The following MYO9B variants were observed in gnomAD, a reference collection of about 807,000 sequenced individuals.
The protein encoded by MYO9B is unconventional myosin-IXb.
Under a neutral mutation model 229.5 loss-of-function variants are expected in MYO9B, and 71 were observed. That is an observed-to-expected ratio of 0.31 (90% confidence interval 0.26 to 0.38). MYO9B has a LOEUF of 0.38. MYO9B is among the 10% of genes least tolerant of loss of function. The pLI, the probability that MYO9B is intolerant of heterozygous loss-of-function variation, is 1.00. For synonymous variants in MYO9B, 1,185 were observed against 1,235.8 expected (o/e 0.96, Z 0.86); for missense variants, 2,255 against 2,920.5 (o/e 0.77, Z 5.25).
At chr19:17,171,716 CTGAGGCAGGAGGA>C (rs1482273782) in intron 11 of MYO9B, among the ~76,000 whole-genome samples, 1 of 152,184 alleles carries the variant, frequency 6.6e-6, no homozygotes, top group African/African-American at 2.4e-5. Flanking sequence ...GTTTGGGAGG[CTGAGGCAGGAGGA>C]TCACTTGAGG....
chr19:17,174,034 T>TC (rs1340173196), intron 13 of MYO9B, among the ~76,000 whole-genome samples: 4 of 138,564 alleles, frequency 2.9e-5, no homozygotes, highest in Admixed American at 7.2e-5. Flanking sequence ...TTTTTTTTTT[T>TC]TTTTTTTTTT....
At chr19:17,123,977 G>T (rs535804960) in intron 2 of MYO9B, among the ~76,000 whole-genome samples, 1 of 152,062 alleles carries the variant, frequency 6.6e-6, no homozygotes, top group African/African-American at 2.4e-5. Flanking sequence ...CCTCAATCTC[G>T]TGGGCTCAAG....
At chr19:17,205,421 C>A in intron 31 of MYO9B, 85 bp downstream of exon 31, 1 of 1,339,128 alleles carries the variant, frequency 7.5e-7, no homozygotes, top group South Asian at 1.2e-5. Context: ...ATGTGAGGGC[C>A]AAGCGAAGCA....
At chr19:17,210,546 A>G in intron 37 of MYO9B, 166 bp downstream of exon 37, 3 of 1,231,432 alleles carry the variant, frequency 2.4e-6, no homozygotes, top group Non-Finnish European at 3.3e-6. Context: ...GCTCAGGACG[A>G]CTAATCGGCC....
chr19:17,188,038 C>T lies in MYO9B; in HGVS notation c.2681C>T (p.Thr894Met), dbSNP rs369569123. ...IRRSGYSAKY[T>M]FQDFTEQFQV... ...AGGTCAGGGTACAGCGCCAAGTACACGTTCCAGGTAGGCCACAAGCACATA... is the reference window on the plus strand; with the variant it reads ...AGGTCAGGGTACAGCGCCAAGTACATGTTCCAGGTAGGCCACAAGCACATA... Residue 894 changes from threonine (T) to methionine (M), a missense_variant, in exon 19 of 40, where the codon ACG (threonine) becomes ATG (methionine). Physicochemically the swap from Thr to Met is moderately conservative, Grantham distance 81 (BLOSUM62 -1). Coordinates refer to ENST00000682292, the MANE Select transcript of MYO9B (RefSeq NM_004145.4). The T allele has an allele frequency of 1.6e-5, 25 of 1,591,246 alleles. No homozygotes were observed. The highest frequency in any genetic ancestry group is 5.4e-5 in the African/African-American group (4 of 74,440).
Position 17,211,791 on chromosome 19 carries a change from C to A in MYO9B, c.6058+17C>A. 6.2e-7 allele frequency: 1 copy of A among 1,612,740 alleles called. No individual in the cohort carries two copies. The highest frequency in any genetic ancestry group is 8.5e-7 in the Non-Finnish European group (1 of 1,179,642). On this transcript the variant is annotated intron_variant, in intron 39 of 39. Coordinates refer to ENST00000682292, the MANE Select transcript of MYO9B (RefSeq NM_004145.4). ...CCTCGGAAGGTCAGTATTAAGGTAG[C>A]GTCTGCTTTTCTCCTTCCCGTCCAT...
At chr19:17,191,021 G>T (rs957919038) in intron 19 of MYO9B, 76 bp from the exon 20 acceptor site, 11 of 1,456,452 alleles carry the variant, frequency 7.6e-6, no homozygotes, top group African/African-American at 2.9e-5. Context: ...CTTAACCAGG[G>T]TCACCAGATC....
intron 1 of MYO9B, among the ~76,000 whole-genome samples, chr19:17,097,069 C>T (rs1307061476): frequency 6.6e-6 from 1 of 151,548 alleles, no homozygotes; most frequent in Non-Finnish European, 1.5e-5. Flanking sequence ...TTTGGGAGGC[C>T]GAGGCGGGTG....
intron 2 of MYO9B, among the ~76,000 whole-genome samples, chr19:17,110,053 C>T (rs1054226998): frequency 6.6e-6 from 1 of 152,200 alleles, no homozygotes; most frequent in African/African-American, 2.4e-5. Context: ...TCCCCTCTCT[C>T]GCCCGGGCTG....
rs777825172 is a variant in MYO9B at position 17,202,038 on chromosome 19, C to G, written c.4662+14C>G. ...TACTCTGTCCCGGTATGTGGCGGCC[C>G]GGCCTTCAGCCTTTCCCATACCCTG... On this transcript the variant is annotated intron_variant, in intron 27 of 39. Coordinates refer to ENST00000682292, the MANE Select transcript of MYO9B (RefSeq NM_004145.4). 1 of 1,611,812 alleles carries G rather than the reference C, an allele frequency of 6.2e-7. No individual in the cohort carries two copies. The highest frequency in any genetic ancestry group is 1.1e-5 in the South Asian group (1 of 90,708).
chr19:17,206,225 G>GTCCCCCCCCCCCCC, intron 32 of MYO9B, 23 bp from the exon 33 acceptor site: 1 of 1,564,672 alleles, frequency 6.4e-7, no homozygotes, highest in Non-Finnish European at 8.7e-7. Context: ...CCGCTCACCA[G>GTCCCCCCCCCCCCC]ACCCACCCCA....
chr19:17,209,778 G>C, intron 36 of MYO9B, 69 bp downstream of exon 36: 12 of 1,568,846 alleles, frequency 7.6e-6, no homozygotes, highest in South Asian at 1.2e-5. Flanking sequence ...GCAGGGCCTT[G>C]GGCGTGGCTT....
intron 1 of MYO9B, among the ~76,000 whole-genome samples, chr19:17,083,813 G>C (rs1199012147): frequency 6.6e-6 from 1 of 151,882 alleles, no homozygotes; most frequent in Non-Finnish European, 1.5e-5. Context: ...ACCACGCCCA[G>C]CTAATTTTTA....
intron 24 of MYO9B, among the ~76,000 whole-genome samples, chr19:17,198,898 C>T (rs1229354135): frequency 6.6e-6 from 1 of 151,854 alleles, no homozygotes; most frequent in African/African-American, 2.4e-5. Flanking sequence ...TGTCTTCTGT[C>T]CCTTAAAAGG....
intron 23 of MYO9B, 131 bp downstream of exon 23, chr19:17,197,989 T>C (rs1599417871): frequency 3.0e-6 from 4 of 1,355,650 alleles, no homozygotes; most frequent in South Asian, 1.3e-5. Context: ...AGTGGCAGGG[T>C]AGAGGTTGTA....
chr19:17,180,915 C>T lies in MYO9B; in HGVS notation c.2220-12C>T, dbSNP rs749238720. 1 of 1,587,694 alleles carries T rather than the reference C, an allele frequency of 6.3e-7. No individual in the cohort carries two copies. Among genetic ancestry groups the T allele is most frequent in the East Asian group, 2.3e-5 (1 of 44,070 alleles). On this transcript the variant is annotated splice_polypyrimidine_tract_variant and intron_variant, in intron 14 of 39. Coordinates refer to ENST00000682292, the MANE Select transcript of MYO9B (RefSeq NM_004145.4). Reference sequence around the variant, plus strand: ...CTTTCTGTCACTGCGCCCCCTCCACCCCTCCCCTCAGCGATTTGCATAACC... The same window carrying T: ...CTTTCTGTCACTGCGCCCCCTCCACTCCTCCCCTCAGCGATTTGCATAACC...
intron 2 of MYO9B, among the ~76,000 whole-genome samples, chr19:17,121,857 G>A (rs906601325): frequency 3.3e-5 from 5 of 151,954 alleles, no homozygotes; most frequent in Non-Finnish European, 4.4e-5. Flanking sequence ...ACAGTGCTGC[G>A]TGCCTGTAGT....
At chr19:17,168,185 G>C (rs1331445260) in intron 11 of MYO9B, 121 bp downstream of exon 11, 39 of 1,349,842 alleles carry the variant, frequency 2.9e-5, no homozygotes, top group Non-Finnish European at 3.9e-5. Flanking sequence ...TTATTTTTGA[G>C]ACAGGGTCTC....
At chr19:17,169,228 C>T (rs1418460738) in intron 11 of MYO9B, among the ~76,000 whole-genome samples, 5 of 151,930 alleles carry the variant, frequency 3.3e-5, no homozygotes, top group African/African-American at 7.3e-5. Context: ...AAAAATTAGC[C>T]GGGCATGGTG....
Sources: allele counts gnomAD v4.1 joint callset (sites outside exome capture counted in the v4.1 genomes callset), GRCh38; gene constraint gnomAD v4.1.1; transcripts MANE v1.5; gene names NCBI Gene and HGNC (gene_info 2026-07-23, HGNC 2026-07-21).